COPA: variants seen among roughly 807,000 people sequenced by gnomAD.
COPA encodes the protein coat protein complex I subunit alpha, also known as coatomer subunit alpha.
In COPA, 10 loss-of-function variants were observed where a neutral mutation model predicts 158.7. The observed-to-expected ratio is 0.06, with a 90% CI of 0.04 to 0.11. COPA has a LOEUF of 0.11. COPA is among the 10% of genes least tolerant of loss of function. COPA has a pLI of 1.00. For synonymous variants in COPA, 462 were observed against 542.8 expected (o/e 0.85, Z 2.07); for missense variants, 1,065 against 1,536.7 (o/e 0.69, Z 5.13).
intron 8 of COPA, among the ~76,000 whole-genome samples, chr1:160,320,242 C>G (rs766910252): frequency 1.3e-5 from 2 of 151,988 alleles, no homozygotes; most frequent in South Asian, 4.1e-4. Context: ...GAAACTATTA[C>G]GAGAATGACA....
chr1:160,308,500 G>A (rs1045386861), intron 13 of COPA, among the ~76,000 whole-genome samples: 3 of 152,116 alleles, frequency 2.0e-5, no homozygotes, highest in African/African-American at 4.8e-5. Context: ...CCATAAACCC[G>A]CTGGAAGAAG....
Position 160,306,513 on chromosome 1 carries a change from T to A in COPA, c.1303-20A>T, listed in dbSNP as rs780373726. ...CAGAAGCTGCAATAAGTATTAAAGA[T>A]GGGGTTAAGAGAAGAAATGTGTATA... On this transcript the variant is annotated intron_variant, in intron 14 of 32. Coordinates refer to ENST00000241704, the MANE Select transcript of COPA (RefSeq NM_004371.4). 4 of 1,613,944 alleles carry A rather than the reference T, an allele frequency of 2.5e-6. No individual in the cohort carries two copies. Among genetic ancestry groups the A allele is most frequent in the East Asian group, 4.5e-5 (2 of 44,900 alleles).
At chr1:160,314,803 G>T (rs534430426) in intron 8 of COPA, among the ~76,000 whole-genome samples, 2 of 152,188 alleles carry the variant, frequency 1.3e-5, no homozygotes, top group East Asian at 1.9e-4. Context: ...TCAGACAGGG[G>T]CCTTATCTGT....
At chr1:160,296,438 C>T (rs1303158912) in intron 21 of COPA, among the ~76,000 whole-genome samples, 12 of 152,220 alleles carry the variant, frequency 7.9e-5, no homozygotes, top group Non-Finnish European at 5.9e-5. Context: ...TACCACGTTA[C>T]AAACTCCTAT....
intron 8 of COPA, among the ~76,000 whole-genome samples, chr1:160,319,076 A>G (rs1234864365): frequency 6.6e-6 from 1 of 152,140 alleles, no homozygotes; most frequent in Non-Finnish European, 1.5e-5. Context: ...CAATTCTTCA[A>G]TTAAAAGGCA....
chr1:160,315,633 A>C (rs1415659582), intron 8 of COPA, among the ~76,000 whole-genome samples: 1 of 152,256 alleles, frequency 6.6e-6, no homozygotes, highest in African/African-American at 2.4e-5. Context: ...AGATTTGCTA[A>C]GCAAATATAT....
At chr1:160,303,369 A>C (rs1030602988) in intron 17 of COPA, among the ~76,000 whole-genome samples, 6 of 152,254 alleles carry the variant, frequency 3.9e-5, no homozygotes, top group African/African-American at 1.4e-4. Flanking sequence ...ATTAGAGCAG[A>C]GATAGACAGA....
At chr1:160,303,719 G>C (rs1200490200) in intron 17 of COPA, among the ~76,000 whole-genome samples, 1 of 152,078 alleles carries the variant, frequency 6.6e-6, no homozygotes, top group African/African-American at 2.4e-5. Flanking sequence ...GTTCATTAAA[G>C]GATACCATAA....
chr1:160,322,260 G>C (rs1659351905), intron 8 of COPA, among the ~76,000 whole-genome samples: 1 of 152,090 alleles, frequency 6.6e-6, no homozygotes, highest in African/African-American at 2.4e-5. Context: ...CACAGAAACA[G>C]ACACATAAAC....
At chr1:160,317,099 G>GAA (rs35724821) in intron 8 of COPA, among the ~76,000 whole-genome samples, 3 of 152,058 alleles carry the variant, frequency 2.0e-5, no homozygotes, top group African/African-American at 7.2e-5. Context: ...AGTGCTCAAA[G>GAA]AAAAAACCTG....
intron 28 of COPA, 127 bp downstream of exon 28, chr1:160,292,357 A>C (rs1345283082): frequency 6.3e-7 from 1 of 1,576,246 alleles, no homozygotes; most frequent in Non-Finnish European, 8.6e-7. Context: ...ATAGAGTAAC[A>C]AACCAAAGAT....
chr1:160,304,817 GCCAAA>G, intron 17 of COPA, among the ~76,000 whole-genome samples: 1 of 152,210 alleles, frequency 6.6e-6, no homozygotes, highest in Middle Eastern at 3.4e-3. Context: ...GTTCATACAA[GCCAAA>G]AACTAGAATT....
Position 160,289,983 on chromosome 1 carries a change from A to T in COPA, c.*174T>A. The T allele has an allele frequency of 6.2e-6, 4 of 644,776 alleles. No homozygotes were observed. The highest frequency in any genetic ancestry group is 1.1e-5 in the Non-Finnish European group (4 of 365,262). 39.9% of individuals were successfully genotyped at this position (644,776 alleles called of 1,614,324 possible). A position where few individuals can be genotyped will look rare whatever the true frequency, so the allele number is the denominator to read the frequency against. ...AGTCAAGTTGAGAAGACCTCAAAAAAGTCAAGTTTAGACCTTCGGATTTTC... is the reference window on the plus strand; with the variant it reads ...AGTCAAGTTGAGAAGACCTCAAAAATGTCAAGTTTAGACCTTCGGATTTTC... On this transcript the variant is annotated 3_prime_UTR_variant, in exon 33 of 33. Coordinates refer to ENST00000241704, the MANE Select transcript of COPA (RefSeq NM_004371.4).
At chr1:160,333,544 C>A in intron 5 of COPA, 59 bp downstream of exon 5, 1 of 1,210,458 alleles carries the variant, frequency 8.3e-7, no homozygotes, top group South Asian at 1.3e-5. Flanking sequence ...AAGAGAAGCT[C>A]ATTATGAAAA....
At chr1:160,291,681 T>A in intron 30 of COPA, 138 bp downstream of exon 30, 1 of 1,089,766 alleles carries the variant, frequency 9.2e-7, no homozygotes, top group Non-Finnish European at 1.3e-6. Context: ...AAGAAATGTA[T>A]CCTCCCCTCA....
intron 21 of COPA, among the ~76,000 whole-genome samples, chr1:160,296,552 C>T (rs1658419205): frequency 6.6e-6 from 1 of 152,164 alleles, no homozygotes; most frequent in Non-Finnish European, 1.5e-5. Flanking sequence ...AGATTCTCTC[C>T]CCGGTGAGTC....
At position 160,325,644 on chromosome 1, in the gene COPA, T is replaced by C. The variant is rs1242581995; in HGVS notation, c.505A>G (p.Lys169Glu). The change falls in exon 7 of 33, where the codon AAA becomes GAA. Residue 169 changes from lysine (K) to glutamate (E), a missense_variant. Around this residue, in one of 2 missense-constraint regions of COPA, gnomAD observed 980 missense variants for 1,357.8 expected, o/e 0.72. Transcript: ENST00000241704. ...ACCGCACCAGGGGACAGGTTTTTTT[T>C]CCTCAGACCTTTGAAGGGATAAGGA... is the stretch of plus-strand genomic sequence containing the variant. ...VRVWDISGLR[K>E]KNLSPGAVES... is the part of the protein sequence containing the mutation. 5 of 1,613,974 alleles carry C rather than the reference T, an allele frequency of 3.1e-6. No homozygotes were observed. Among genetic ancestry groups the C allele is most frequent in the South Asian group, 1.1e-5 (1 of 91,086 alleles).
At chr1:160,301,204 A>G (rs1294804344) in intron 17 of COPA, among the ~76,000 whole-genome samples, 2 of 152,338 alleles carry the variant, frequency 1.3e-5, no homozygotes, top group Admixed American at 1.3e-4. Flanking sequence ...TAATCAATGA[A>G]AGGAGAAAAA....
intron 3 of COPA, 44 bp from the exon 4 acceptor site, chr1:160,335,366 C>A (rs769000696): frequency 3.9e-6 from 6 of 1,524,802 alleles, no homozygotes; most frequent in Admixed American, 3.7e-5. Flanking sequence ...AGTTATTGAG[C>A]CTCTAAAAGG....
Sources: gnomAD v4.1 joint callset for allele counts (sites outside exome capture counted in the v4.1 genomes callset) on GRCh38, gnomAD v4.1.1 for gene constraint, gnomAD v4.1.1 regional missense constraint, MANE v1.5 for transcripts, NCBI Gene and HGNC (gene_info 2026-07-23, HGNC 2026-07-21) for gene names.